Variants in NLGN1 observed in about 807,000 individuals in gnomAD.
NLGN1 encodes the protein neuroligin-1.
A neutral mutation model predicts 65.5 loss-of-function variants in NLGN1; 12 were observed. That is an observed-to-expected ratio of 0.18 (90% confidence interval 0.12 to 0.30). The LOEUF (loss-of-function observed/expected upper bound fraction) is 0.30, where lower values mean the gene tolerates loss of function less well. Among genes scored for constraint, NLGN1 ranks in the 10% least tolerant of loss-of-function variants. The pLI is 1.00. For synonymous variants in NLGN1, 350 were observed against 359.5 expected, an observed-to-expected ratio of 0.97 and a Z score of 0.30; for missense variants, 750 against 1,007.1, an observed-to-expected ratio of 0.74 and a Z score of 3.46.
At chr3:174,143,564 A>G (rs568751160) in intron 4 of NLGN1, among the ~76,000 whole-genome samples, 2 of 152,296 alleles carry the variant, frequency 1.3e-5, no homozygotes, top group African/African-American at 4.8e-5. Flanking sequence ...AAAGACTTCT[A>G]TTACATGAAA....
rs181590411 is a variant in NLGN1 at position 173,850,217 on chromosome 3, A to G, written c.646+42385A>G. Among the ~76,000 whole-genome samples, 372 of 152,248 alleles carry G rather than the reference A, an allele frequency of 2.4e-3. 4 individuals carry two copies. Among genetic ancestry groups the G allele is most frequent in the Middle Eastern group, 0.014 (4 of 294 alleles). On this transcript the variant is annotated intron_variant, in intron 4 of 6. Coordinates refer to ENST00000457714, the Ensembl canonical transcript of NLGN1. ...TACATAAACTTCCATTTATTCATAT[A>G]TATCTTACTATATATGTGTGTATGT... is the stretch of plus-strand genomic sequence containing the variant.
At chr3:173,447,800 G>A (rs1720667305) in intron 2 of NLGN1, among the ~76,000 whole-genome samples, 1 of 152,072 alleles carries the variant, frequency 6.6e-6, no homozygotes, top group Admixed American at 6.6e-5. Context: ...GGATTCCTAG[G>A]TATTTTATTC....
chr3:174,183,886 G>C (rs16857568), intron 4 of NLGN1, among the ~76,000 whole-genome samples: 3,609 of 152,264 alleles, frequency 0.024, 131 homozygotes, highest in African/African-American at 0.079. Context: ...CTCTTGGTGA[G>C]AGCAGTCAAT....
intron 3 of NLGN1, among the ~76,000 whole-genome samples, chr3:173,669,093 C>A (rs1201893734): frequency 2.0e-5 from 3 of 152,080 alleles, no homozygotes; most frequent in Non-Finnish European, 4.4e-5. Flanking sequence ...TTCCTGTAGA[C>A]ACTGGGAAGT....
At chr3:173,537,702 A>G (rs769447493) in intron 2 of NLGN1, among the ~76,000 whole-genome samples, 29 of 152,142 alleles carry the variant, frequency 1.9e-4, no homozygotes, top group Non-Finnish European at 3.5e-4. Flanking sequence ...GAGTGACTCA[A>G]ACTTTCATTC....
intron 4 of NLGN1, among the ~76,000 whole-genome samples, chr3:174,191,087 C>A (rs536234610): frequency 6.5e-4 from 99 of 152,140 alleles, no homozygotes; most frequent in African/African-American, 2.2e-3. Context: ...AGAAGCCTTT[C>A]CATAGGATAA....
chr3:173,751,424 T>C (rs1027373301), intron 3 of NLGN1, among the ~76,000 whole-genome samples: 1 of 152,118 alleles, frequency 6.6e-6, no homozygotes, highest in African/African-American at 2.4e-5. Context: ...AAACTAGTTT[T>C]ACTTCAATCC....
At chr3:174,230,538 TA>T (rs1236134088) in intron 4 of NLGN1, among the ~76,000 whole-genome samples, 1 of 152,154 alleles carries the variant, frequency 6.6e-6, no homozygotes, top group African/African-American at 2.4e-5. Context: ...TATCAACAAT[TA>T]AAAAATGAGA....
intron 2 of NLGN1, among the ~76,000 whole-genome samples, chr3:173,579,661 C>G (rs1746072631): frequency 6.6e-6 from 1 of 152,156 alleles, no homozygotes; most frequent in South Asian, 2.1e-4. Flanking sequence ...GTAGTCTTTT[C>G]TAATTAAGCA....
chr3:174,241,534 A>T (rs910726971), intron 4 of NLGN1, among the ~76,000 whole-genome samples: 3 of 151,864 alleles, frequency 2.0e-5, no homozygotes, highest in Non-Finnish European at 4.4e-5. Context: ...CCTTCCTAAT[A>T]CTTCGTATAT....
Position 174,259,722 on chromosome 3 carries a change from T to C in NLGN1, c.647-15593T>C, listed in dbSNP as rs573067730. Among the ~76,000 whole-genome samples the C allele has an allele frequency of 2.1e-3, 314 of 151,802 alleles. 1 individual carries two copies. The highest frequency in any genetic ancestry group is 3.7e-3 in the Non-Finnish European group (253 of 67,964). ...ATTATACTTTAGGTTTTAGGGTACA[T>C]GTGCACATTGTGCAGGTTAGTTACA... is the stretch of plus-strand genomic sequence containing the variant. On this transcript the variant is annotated intron_variant, in intron 4 of 6. Coordinates refer to ENST00000457714, the Ensembl canonical transcript of NLGN1.
intron 4 of NLGN1, among the ~76,000 whole-genome samples, chr3:174,205,038 A>T (rs1043377811): frequency 5.9e-5 from 9 of 152,190 alleles, no homozygotes; most frequent in Admixed American, 4.6e-4. Flanking sequence ...GAAATTATGT[A>T]ACTGTACTGA....
chr3:173,740,423 T>C (rs1042853190), intron 3 of NLGN1, among the ~76,000 whole-genome samples: 1 of 152,130 alleles, frequency 6.6e-6, no homozygotes, highest in Non-Finnish European at 1.5e-5. Context: ...ATTTTGCACA[T>C]AGCACATTGT....
intron 4 of NLGN1, among the ~76,000 whole-genome samples, chr3:173,826,544 A>G (rs1251407197): frequency 6.6e-6 from 1 of 152,118 alleles, no homozygotes; most frequent in East Asian, 1.9e-4. Flanking sequence ...TTTCTCAGAG[A>G]TTTATCCTGA....
At chr3:173,953,546 CTTAT>C (rs1748637172) in intron 4 of NLGN1, among the ~76,000 whole-genome samples, 1 of 151,522 alleles carries the variant, frequency 6.6e-6, no homozygotes, top group Non-Finnish European at 1.5e-5. Flanking sequence ...TACTTACTTA[CTTAT>C]TTATTTACTT....
intron 4 of NLGN1, among the ~76,000 whole-genome samples, chr3:173,989,067 G>C (rs904874508): frequency 6.6e-6 from 1 of 152,018 alleles, no homozygotes; most frequent in African/African-American, 2.4e-5. Flanking sequence ...CCAGACTTTG[G>C]CTCAGCTAAT....
chr3:173,850,901 AT>A lies in NLGN1; in HGVS notation c.646+43080del, dbSNP rs767368110. Among the ~76,000 whole-genome samples, 208 of 147,660 alleles carry A rather than the reference AT, an allele frequency of 1.4e-3. 1 individual carries two copies. Among genetic ancestry groups the A allele is most frequent in the African/African-American group, 3.4e-3 (139 of 40,412 alleles). On this transcript the variant is annotated intron_variant, in intron 4 of 6. Coordinates refer to ENST00000457714, the Ensembl canonical transcript of NLGN1. The stretch of plus-strand genomic sequence containing the variant: ...ACAGACATGATACCACATCTGGCTA[AT>A]TTTTTTTTTTAATTTTACTTTCTGT...
the NLGN1 span, among the ~76,000 whole-genome samples, chr3:174,292,283 T>C: frequency 1.3e-5 from 2 of 151,194 alleles, no homozygotes; most frequent in South Asian, 4.1e-4. Context: ...TTTCTTACTG[T>C]AAAAAATTCA....
At chr3:173,530,890 C>A (rs1269504854) in intron 2 of NLGN1, among the ~76,000 whole-genome samples, 1 of 151,980 alleles carries the variant, frequency 6.6e-6, no homozygotes, top group Non-Finnish European at 1.5e-5. Context: ...GTTCGATGCT[C>A]ATTTTTTAAA....
Sources: allele counts gnomAD v4.1 joint callset (sites outside exome capture counted in the v4.1 genomes callset), GRCh38; gene constraint gnomAD v4.1.1; transcripts MANE v1.5; gene names NCBI Gene and HGNC (gene_info 2026-07-23, HGNC 2026-07-21).